Variants in ADORA2B observed in about 807,000 individuals in gnomAD.
ADORA2B encodes adenosine receptor A2b.
A neutral mutation model predicts 20.8 loss-of-function variants in ADORA2B; 18 were observed. That is an observed-to-expected ratio of 0.87 (90% CI 0.60 to 1.29). The LOEUF (loss-of-function observed/expected upper bound fraction) is 1.29, where lower values mean the gene tolerates loss of function less well. Ranked by LOEUF, ADORA2B falls within the 50% of genes most tolerant of loss-of-function variation. The pLI, the probability that ADORA2B is intolerant of heterozygous loss-of-function variation, is 0.00. For synonymous variants in ADORA2B, 179 were observed against 178.3 expected (o/e 1.00, Z -0.03); for missense variants, 441 against 422.7 (o/e 1.04, Z -0.38).
At position 15,948,727 on chromosome 17, in the gene ADORA2B, A is replaced by G. The variant is rs76930117; in HGVS notation, c.335+3144A>G. Among the ~76,000 whole-genome samples, 133 of 152,278 alleles carry G rather than the reference A, an allele frequency of 8.7e-4. 3 individuals carry two copies. In the East Asian group the frequency reaches 0.024, roughly 28 times the overall value. ...AGGGTTTAGTTGGCCGAATGGGTCC[A>G]GTGCCGTGTATCTGACCTGTCCCTG... On this transcript the variant is annotated intron_variant, in intron 1 of 1. Coordinates refer to ENST00000304222, the MANE Select transcript of ADORA2B (RefSeq NM_000676.4).
At chr17:15,919,626 A>G in the ADORA2B span, among the ~76,000 whole-genome samples, 1 of 152,172 alleles carries the variant, frequency 6.6e-6, no homozygotes, top group South Asian at 2.1e-4. Context: ...CCTCCTCAGC[A>G]GGAAATGGGT....
chr17:15,914,664 A>C, the ADORA2B span, among the ~76,000 whole-genome samples: 1 of 152,216 alleles, frequency 6.6e-6, no homozygotes, highest in Admixed American at 6.5e-5. Flanking sequence ...CAGTTTCAGT[A>C]TTTAAAGCTT....
At chr17:15,862,005 G>A in the ADORA2B span, among the ~76,000 whole-genome samples, 1 of 151,964 alleles carries the variant, frequency 6.6e-6, no homozygotes, top group African/African-American at 2.4e-5. Flanking sequence ...TTTAGTCCGT[G>A]CCTTAGCAAT....
At chr17:15,960,292 C>T (rs4563072) in intron 1 of ADORA2B, among the ~76,000 whole-genome samples, 74,024 of 82,008 alleles carry the variant, frequency 0.9, 34,431 homozygotes, top group Non-Finnish European at 0.99. Context: ...CGGTGGCTCA[C>T]GCCTGTAATC....
At chr17:15,923,202 T>TC in the ADORA2B span, among the ~76,000 whole-genome samples, 6 of 125,894 alleles carry the variant, frequency 4.8e-5, no homozygotes, top group African/African-American at 2.4e-4. Context: ...TCTTTCTTTT[T>TC]TTAATTTTTT....
the ADORA2B span, among the ~76,000 whole-genome samples, chr17:15,901,937 A>G: frequency 1.3e-5 from 2 of 152,112 alleles, no homozygotes; most frequent in Non-Finnish European, 2.9e-5. Flanking sequence ...TATTGAGTCC[A>G]TTCATGTTGT....
At chr17:15,967,821 G>A (rs892437172) in intron 1 of ADORA2B, among the ~76,000 whole-genome samples, 2 of 152,144 alleles carry the variant, frequency 1.3e-5, no homozygotes, top group Non-Finnish European at 2.9e-5. Flanking sequence ...CCTTTTCGTC[G>A]TAGCCCTTTT....
intron 1 of ADORA2B, among the ~76,000 whole-genome samples, chr17:15,950,792 A>T (rs1017293531): frequency 7.3e-5 from 11 of 151,508 alleles, no homozygotes; most frequent in African/African-American, 2.4e-4. Flanking sequence ...CCCAATTCTC[A>T]CTCACCACGG....
the ADORA2B span, among the ~76,000 whole-genome samples, chr17:15,894,500 TAGTG>T: frequency 6.6e-6 from 1 of 152,158 alleles, no homozygotes; most frequent in African/African-American, 2.4e-5. Flanking sequence ...TGGATGCAGT[TAGTG>T]GGGCCAGGGA....
chr17:15,881,332 A>C, the ADORA2B span, among the ~76,000 whole-genome samples: 1 of 152,026 alleles, frequency 6.6e-6, no homozygotes, highest in African/African-American at 2.4e-5. Flanking sequence ...CGACCTCCAG[A>C]CCTCGTGATC....
chr17:15,945,990 G>T (rs182695672), intron 1 of ADORA2B, among the ~76,000 whole-genome samples: 3 of 152,118 alleles, frequency 2.0e-5, no homozygotes, highest in African/African-American at 7.2e-5. Context: ...CCTAACACTC[G>T]CCCGCAGCGG....
At chr17:15,901,143 C>T in the ADORA2B span, among the ~76,000 whole-genome samples, 1 of 152,096 alleles carries the variant, frequency 6.6e-6, no homozygotes. Context: ...ACCTACTCTG[C>T]AGTCTGAACT....
At chr17:15,940,156 T>C (rs1214691378), upstream of ADORA2B, among the ~76,000 whole-genome samples, 1 of 152,174 alleles carries the variant, frequency 6.6e-6, no homozygotes, top group East Asian at 1.9e-4. Flanking sequence ...ACAGAATAAA[T>C]AGAAAGCAAA....
the ADORA2B span, among the ~76,000 whole-genome samples, chr17:15,868,191 A>G: frequency 9.4e-5 from 13 of 137,776 alleles, no homozygotes; most frequent in Non-Finnish European, 1.8e-4. Flanking sequence ...GTTAAGAGTC[A>G]TCACCACTCC....
the ADORA2B span, among the ~76,000 whole-genome samples, chr17:15,902,524 C>T: frequency 6.6e-6 from 1 of 152,322 alleles, no homozygotes; most frequent in South Asian, 2.1e-4. Context: ...TGAATAATAT[C>T]CCAAATATCC....
At chr17:15,932,951 ATTTTTTTT>A in the ADORA2B span, among the ~76,000 whole-genome samples, 1 of 135,968 alleles carries the variant, frequency 7.4e-6, no homozygotes, top group Non-Finnish European at 1.6e-5. Flanking sequence ...TAGTCCTTCA[ATTTTTTTT>A]TTTTTTTTTT....
the ADORA2B span, among the ~76,000 whole-genome samples, chr17:15,910,747 C>T: frequency 1.3e-5 from 2 of 152,284 alleles, no homozygotes; most frequent in Middle Eastern, 3.4e-3. Flanking sequence ...CCAGGGGCTG[C>T]AGGTTCAGCC....
the ADORA2B span, among the ~76,000 whole-genome samples, chr17:15,902,783 A>T: frequency 1.3e-5 from 2 of 152,170 alleles, no homozygotes; most frequent in Non-Finnish European, 2.9e-5. Context: ...CGGCTTCTGG[A>T]TCTACACTTC....
At chr17:15,961,510 AG>A (rs1470609618) in intron 1 of ADORA2B, among the ~76,000 whole-genome samples, 17 of 152,244 alleles carry the variant, frequency 1.1e-4, no homozygotes, top group Admixed American at 1.1e-3. Context: ...TGTGTCTGCC[AG>A]GGTTCTTCAC....
Sources: gnomAD v4.1 joint callset for allele counts (sites outside exome capture counted in the v4.1 genomes callset) on GRCh38, gnomAD v4.1.1 for gene constraint, MANE v1.5 for transcripts, NCBI Gene and HGNC (gene_info 2026-07-23, HGNC 2026-07-21) for gene names.